Variants in PITPNM2 observed in about 807,000 individuals in gnomAD.
The protein encoded by PITPNM2 is membrane-associated phosphatidylinositol transfer protein 2.
Under a neutral mutation model 132.2 loss-of-function variants are expected in PITPNM2, and 35 were observed. That is an observed-to-expected ratio of 0.26 (90% confidence interval 0.20 to 0.35). The LOEUF (loss-of-function observed/expected upper bound fraction) is 0.35. Among genes scored for constraint, PITPNM2 ranks in the 10% least tolerant of loss-of-function variants. The pLI is 1.00. For missense variants in PITPNM2, 1,332 were observed against 1,912.0 expected (o/e 0.70, Z 5.66); for synonymous variants, 738 against 799.2 (o/e 0.92, Z 1.29).
rs1251607907 is a variant in PITPNM2 at position 123,097,564 on chromosome 12, G to T, written c.-96+12821C>A. Among the ~76,000 whole-genome samples, 1 of 152,172 alleles carries T rather than the reference G, an allele frequency of 6.6e-6. No individual in the cohort carries two copies. Among genetic ancestry groups the T allele is most frequent in the African/African-American group, 2.4e-5 (1 of 41,440 alleles). ...AGGCACGCACATGCTCAGCAGTGAT[G>T]GCATGGATGGGGAGGGGTTCCAGCA... On this transcript the variant is annotated intron_variant, in intron 2 of 25. Transcript: ENST00000320201. This position sits in a 1 kb window ranked among gnomAD's most constrained non-coding sequence, Gnocchi z 4.7.
Position 123,009,713 on chromosome 12 carries a change from G to T in PITPNM2, c.643+137C>A. 2.5e-6 allele frequency: 2 copies of T among 797,168 alleles called. No homozygotes were observed. Among genetic ancestry groups the T allele is most frequent in the Non-Finnish European group, 2.1e-6 (1 of 484,738 alleles). The allele number at this position is 797,168 out of a possible 1,614,324, so 49.4% of individuals were successfully genotyped here. On this transcript the variant is annotated intron_variant, in intron 6 of 25. Transcript: ENST00000320201. The surrounding 1 kb of genome is among the most constrained non-coding windows in gnomAD (Gnocchi z 4.8). ...AGTGGGGAAGCTGGACATGGGCTTT[G>T]GTGTCACCTTCCCAGAACAAAACAG... is the stretch of plus-strand genomic sequence containing the variant.
At chr12:123,103,656 T>C (rs1488632241) in intron 2 of PITPNM2, among the ~76,000 whole-genome samples, 1 of 152,200 alleles carries the variant, frequency 6.6e-6, no homozygotes, top group Admixed American at 6.5e-5. Flanking sequence ...TTGTTTCAGC[T>C]GTAAAAACAC....
intron 2 of PITPNM2, among the ~76,000 whole-genome samples, chr12:123,046,363 C>A (rs946178922): frequency 5.9e-5 from 9 of 151,988 alleles, no homozygotes; most frequent in Non-Finnish European, 2.9e-5. Context: ...ACACTTGGGC[C>A]CTATTAATAC....
At chr12:123,044,486 C>T (rs2040589424) in intron 2 of PITPNM2, among the ~76,000 whole-genome samples, 1 of 152,230 alleles carries the variant, frequency 6.6e-6, no homozygotes, top group Admixed American at 6.5e-5. Flanking sequence ...ATCAATTCTC[C>T]AGGGAAATCA....
At chr12:123,127,671 G>A (rs1035195051) in intron 1 of PITPNM2, among the ~76,000 whole-genome samples, 16 of 149,366 alleles carry the variant, frequency 1.1e-4, no homozygotes, top group African/African-American at 1.7e-4. Context: ...GTGCAGTGGC[G>A]TGATCTCGGC....
chr12:123,089,043 C>T (rs565192124), intron 2 of PITPNM2: 1 of 152,282 alleles, frequency 6.6e-6, no homozygotes, highest in African/African-American at 2.4e-5. Flanking sequence ...TCCGAGTCCC[C>T]GGCTAATTTG....
chr12:122,994,690 G>T lies in PITPNM2; in HGVS notation c.2233+111C>A. ...CCTTGGTGGGGAAGACAGGAAGGAG[G>T]GCAGAAACAGGCCTGGGACGTGGCC... On this transcript the variant is annotated intron_variant, in intron 15 of 25. Transcript: ENST00000320201. This position sits in a 1 kb window ranked among gnomAD's most constrained non-coding sequence, Gnocchi z 5.4. The T allele has an allele frequency of 1.6e-6, 2 of 1,220,824 alleles. No homozygotes were observed. Among genetic ancestry groups the T allele is most frequent in the Non-Finnish European group, 2.2e-6 (2 of 907,056 alleles). 75.6% of individuals were successfully genotyped at this position (1,220,824 alleles called of 1,614,324 possible). A position where few individuals can be genotyped will look rare whatever the true frequency, so the allele number is the denominator to read the frequency against.
chr12:122,996,160 CTT>C (rs893813584), intron 13 of PITPNM2, among the ~76,000 whole-genome samples: 4 of 152,224 alleles, frequency 2.6e-5, no homozygotes, highest in Non-Finnish European at 5.9e-5. Flanking sequence ...TTCCTTGACT[CTT>C]TGGCCAGAAT....
chr12:122,994,287 C>T lies in PITPNM2; in HGVS notation c.2233+514G>A, dbSNP rs866429536. Reference sequence around the variant, plus strand: ...TTGCTACTCTCAGGATTGTGTGGCTCCTGGAGCTTTGCAGGCTGATCCCAG... The same window carrying T: ...TTGCTACTCTCAGGATTGTGTGGCTTCTGGAGCTTTGCAGGCTGATCCCAG... On this transcript the variant is annotated intron_variant, in intron 15 of 25. Transcript: ENST00000320201. The surrounding 1 kb of genome is among the most constrained non-coding windows in gnomAD (Gnocchi z 5.4). Among the ~76,000 whole-genome samples the T allele has an allele frequency of 6.6e-6, 1 of 152,240 alleles. No individual in the cohort carries two copies. The highest frequency in any genetic ancestry group is 2.1e-4 in the South Asian group (1 of 4,836).
chr12:123,126,871 C>A (rs2043149752), intron 1 of PITPNM2, among the ~76,000 whole-genome samples: 1 of 152,226 alleles, frequency 6.6e-6, no homozygotes, highest in African/African-American at 2.4e-5. Flanking sequence ...ATGAAGCTTG[C>A]ATGAATGACA....
intron 10 of PITPNM2, 83 bp from the exon 11 acceptor site, chr12:122,997,655 T>A: frequency 6.5e-7 from 1 of 1,538,594 alleles, no homozygotes. Flanking sequence ...GTTGGGGGTG[T>A]GCCTCTTGCA....
At chr12:123,121,522 C>T (rs2043031860) in intron 1 of PITPNM2, among the ~76,000 whole-genome samples, 1 of 152,080 alleles carries the variant, frequency 6.6e-6, no homozygotes, top group Non-Finnish European at 1.5e-5. Flanking sequence ...ATAACAATTA[C>T]CATAATAACT....
At chr12:123,062,309 C>A (rs750919102) in intron 2 of PITPNM2, among the ~76,000 whole-genome samples, 1 of 152,118 alleles carries the variant, frequency 6.6e-6, no homozygotes, top group East Asian at 1.9e-4. Context: ...GGTGGTAATA[C>A]GTCCAGTGAG....
At chr12:123,146,329 T>G (rs1452788008) in intron 1 of PITPNM2, among the ~76,000 whole-genome samples, 3 of 152,142 alleles carry the variant, frequency 2.0e-5, no homozygotes, top group Non-Finnish European at 4.4e-5. Context: ...GCGTGGTGGC[T>G]CATGTCTGTA....
chr12:123,138,165 C>G, intron 1 of PITPNM2, among the ~76,000 whole-genome samples: 1 of 152,058 alleles, frequency 6.6e-6, no homozygotes, highest in Non-Finnish European at 1.5e-5. Flanking sequence ...AAAGAAAAGA[C>G]GGCCGGTGCA....
At chr12:123,140,998 G>C (rs1166597097) in intron 1 of PITPNM2, among the ~76,000 whole-genome samples, 2 of 151,376 alleles carry the variant, frequency 1.3e-5, no homozygotes, top group East Asian at 3.9e-4. Context: ...CAAATTGAAA[G>C]GTACTTTGTA....
At chr12:123,114,731 G>A (rs1187351656) in intron 1 of PITPNM2, among the ~76,000 whole-genome samples, 2 of 152,086 alleles carry the variant, frequency 1.3e-5, no homozygotes, top group South Asian at 2.1e-4. Flanking sequence ...AAAAGAAAGT[G>A]GATACTGGTA....
intron 1 of PITPNM2, among the ~76,000 whole-genome samples, chr12:123,130,104 T>C (rs1187995025): frequency 1.3e-5 from 2 of 152,044 alleles, no homozygotes; most frequent in African/African-American, 4.8e-5. Context: ...GGGGTCTCGA[T>C]AAGTCGCCCA....
chr12:123,114,008 T>C (rs1187019483), intron 1 of PITPNM2, among the ~76,000 whole-genome samples: 4 of 152,236 alleles, frequency 2.6e-5, no homozygotes, highest in East Asian at 1.9e-4. Flanking sequence ...ACCAATGTTA[T>C]AGCATTTGTG....
Sources: gnomAD v4.1 joint callset for allele counts (sites outside exome capture counted in the v4.1 genomes callset) on GRCh38, gnomAD v4.1.1 for gene constraint, Gnocchi (gnomAD v3.1) non-coding constraint, MANE v1.5 for transcripts, NCBI Gene and HGNC (gene_info 2026-07-23, HGNC 2026-07-21) for gene names.